KCND2: variants seen among roughly 807,000 people sequenced by gnomAD.
KCND2 encodes the protein potassium voltage-gated channel subfamily D member 2.
A neutral mutation model predicts 54.4 loss-of-function variants in KCND2; 16 were observed. The ratio of observed to expected loss-of-function variants is 0.29; its 90% CI spans 0.20 to 0.45. The LOEUF (loss-of-function observed/expected upper bound fraction) is 0.45. Ranked by LOEUF, KCND2 falls within the 20% of genes least tolerant of loss-of-function variation. The probability of loss-of-function intolerance (pLI) is 1.00; values close to 1 mark genes in which losing one functional copy is unlikely to be tolerated. For synonymous variants in KCND2, 317 were observed against 310.7 expected (o/e 1.02, Z -0.21); for missense variants, 486 against 824.2 (o/e 0.59, Z 5.02).
chr7:120,400,162 T>C (rs1801227640), intron 1 of KCND2, among the ~76,000 whole-genome samples: 1 of 152,196 alleles, frequency 6.6e-6, no homozygotes, highest in Non-Finnish European at 1.5e-5. Context: ...TTTTGACTAT[T>C]AACATGACTC....
chr7:120,733,752 T>C (rs1176807926), intron 2 of KCND2, among the ~76,000 whole-genome samples: 1 of 152,116 alleles, frequency 6.6e-6, no homozygotes, highest in East Asian at 1.9e-4. Flanking sequence ...TACCGTTTGT[T>C]TGAACTTCAT....
intron 1 of KCND2, among the ~76,000 whole-genome samples, chr7:120,402,863 A>G (rs1416744738): frequency 6.6e-6 from 1 of 152,214 alleles, no homozygotes; most frequent in Non-Finnish European, 1.5e-5. Flanking sequence ...AAGATTAAAC[A>G]TCTTCTTTTA....
intron 1 of KCND2, among the ~76,000 whole-genome samples, chr7:120,475,941 A>G (rs1802527983): frequency 6.6e-6 from 1 of 152,264 alleles, no homozygotes; most frequent in Non-Finnish European, 1.5e-5. Flanking sequence ...GATTATGGTA[A>G]GATGGGAAAT....
intron 1 of KCND2, among the ~76,000 whole-genome samples, chr7:120,371,530 T>C (rs1240707132): frequency 2.6e-5 from 4 of 152,070 alleles, no homozygotes; most frequent in South Asian, 4.1e-4. Flanking sequence ...GAGGGAGGCT[T>C]CTGTGGATTT....
At chr7:120,361,702 C>G (rs1800595211) in intron 1 of KCND2, among the ~76,000 whole-genome samples, 1 of 152,040 alleles carries the variant, frequency 6.6e-6, no homozygotes, top group Non-Finnish European at 1.5e-5. Context: ...AAATGTACAG[C>G]TTCAAAAATT....
At chr7:120,467,908 A>T (rs957409611) in intron 1 of KCND2, among the ~76,000 whole-genome samples, 6 of 152,070 alleles carry the variant, frequency 3.9e-5, no homozygotes, top group Non-Finnish European at 5.9e-5. Context: ...TAAATCCATA[A>T]AGGTACTTCT....
intron 1 of KCND2, among the ~76,000 whole-genome samples, chr7:120,680,398 T>C (rs1003694811): frequency 1.3e-5 from 2 of 152,150 alleles, no homozygotes; most frequent in African/African-American, 2.4e-5. Flanking sequence ...TACCAGACTG[T>C]GAACCCCATG....
rs1052401328 is a variant in KCND2, at chr7:120,331,390, A to G, written c.1115+55643A>G. Among the ~76,000 whole-genome samples the G allele has an allele frequency of 2.0e-5, 3 of 152,018 alleles. No homozygotes were observed. The South Asian group carries it at 6.2e-4, about 31-fold the overall frequency. ...CTTATCTCTTTTTTTTGAAAAACAAATTCTTTTTAATTTTGATGTTTGTAC... is the reference window on the plus strand; with the variant it reads ...CTTATCTCTTTTTTTTGAAAAACAAGTTCTTTTTAATTTTGATGTTTGTAC... On this transcript the variant is annotated intron_variant, in intron 1 of 5. Transcript: ENST00000331113.
At chr7:120,289,496 A>C (rs1367571137) in intron 1 of KCND2, among the ~76,000 whole-genome samples, 2 of 152,118 alleles carry the variant, frequency 1.3e-5, no homozygotes, top group Non-Finnish European at 2.9e-5. Context: ...TGAATTTTGA[A>C]ATATGAAGTA....
intron 1 of KCND2, among the ~76,000 whole-genome samples, chr7:120,522,614 A>G (rs1791712684): frequency 6.6e-6 from 1 of 152,206 alleles, no homozygotes; most frequent in Admixed American, 6.6e-5. Flanking sequence ...AATCCTCAGA[A>G]AAGTAATTGT....
At chr7:120,315,777 T>C (rs1300553373) in intron 1 of KCND2, among the ~76,000 whole-genome samples, 22 of 24,472 alleles carry the variant, frequency 9.0e-4, no homozygotes, top group African/African-American at 1.5e-3. Flanking sequence ...TGTGTGTGTG[T>C]GTGTGTGTGT....
At chr7:120,563,265 T>C (rs529246291) in intron 1 of KCND2, among the ~76,000 whole-genome samples, 52 of 152,196 alleles carry the variant, frequency 3.4e-4, no homozygotes, top group African/African-American at 1.3e-3. Context: ...AGAAAAAAAA[T>C]ACTGAAGTAG....
At chr7:120,365,367 C>G (rs1394818675) in intron 1 of KCND2, among the ~76,000 whole-genome samples, 1 of 152,034 alleles carries the variant, frequency 6.6e-6, no homozygotes, top group East Asian at 1.9e-4. Flanking sequence ...AAAGTTAAGA[C>G]CAAGGATCAT....
intron 1 of KCND2, among the ~76,000 whole-genome samples, chr7:120,450,210 A>G (rs950457753): frequency 6.6e-6 from 1 of 152,200 alleles, no homozygotes; most frequent in Non-Finnish European, 1.5e-5. Flanking sequence ...CAAGAGATCG[A>G]GACCATCCTG....
intron 1 of KCND2, among the ~76,000 whole-genome samples, chr7:120,724,770 C>T (rs1235606916): frequency 1.3e-5 from 2 of 152,128 alleles, no homozygotes; most frequent in South Asian, 2.1e-4. Flanking sequence ...AAGCCAGTCC[C>T]TAGTGGGTTT....
chr7:120,682,704 A>G (rs1014876409), intron 1 of KCND2, among the ~76,000 whole-genome samples: 2 of 152,182 alleles, frequency 1.3e-5, no homozygotes, highest in African/African-American at 4.8e-5. Context: ...ACATGTTGCT[A>G]TTACACATTC....
At chr7:120,533,054 T>A in intron 1 of KCND2, among the ~76,000 whole-genome samples, 1 of 152,112 alleles carries the variant, frequency 6.6e-6, no homozygotes, top group East Asian at 1.9e-4. Context: ...GTCAATAGTA[T>A]TATTTAACAT....
At chr7:120,284,102 T>C (rs1248364774) in intron 1 of KCND2, among the ~76,000 whole-genome samples, 2 of 152,132 alleles carry the variant, frequency 1.3e-5, no homozygotes, top group Admixed American at 1.3e-4. Flanking sequence ...GGGTATGCTT[T>C]CCAGATGAAC....
At chr7:120,317,180 T>C (rs554382103) in intron 1 of KCND2, among the ~76,000 whole-genome samples, 1 of 152,278 alleles carries the variant, frequency 6.6e-6, no homozygotes, top group East Asian at 1.9e-4. Flanking sequence ...TTCAACACTT[T>C]ATTGAACAGA....
Sources: allele counts gnomAD v4.1 joint callset (sites outside exome capture counted in the v4.1 genomes callset), GRCh38; gene constraint gnomAD v4.1.1; transcripts MANE v1.5; gene names NCBI Gene and HGNC (gene_info 2026-07-23, HGNC 2026-07-21).